The following TPSG1 variants were observed in gnomAD, a reference collection of about 807,000 sequenced individuals.
TPSG1 encodes tryptase gamma 1.
In TPSG1, 43 loss-of-function variants were observed where a neutral mutation model predicts 23.8. The ratio of observed to expected loss-of-function variants is 1.81; its 90% CI spans 1.42 to 2.33. The LOEUF is 2.33. Among genes scored for constraint, TPSG1 ranks in the 30% most tolerant of loss-of-function variants. TPSG1 has a pLI of 0.00. For missense variants in TPSG1, 623 were observed against 438.6 expected, an observed-to-expected ratio of 1.42 and a Z score of -3.75; for synonymous variants, 302 against 201.3, an observed-to-expected ratio of 1.50 and a Z score of -4.23.
intron 2 of TPSG1, 82 bp from the exon 3 acceptor site, chr16:1,223,676 A>G: frequency 2.1e-6 from 3 of 1,448,242 alleles, no homozygotes; most frequent in Middle Eastern, 1.8e-4. Context: ...CCCTGACCAC[A>G]CCTCCCTGCC....
At position 1,222,113 on chromosome 16, in the gene TPSG1, C is replaced by T. The variant is rs755507987; in HGVS notation, c.658-17G>A. 1.2e-5 allele frequency: 19 copies of T among 1,612,536 alleles called. No individual in the cohort carries two copies. The highest frequency in any genetic ancestry group is 1.7e-4 in the Middle Eastern group (1 of 6,060). ...GGAGTCGTCCTGAGGACAGAGAAGG[C>T]GAGCATTGGGAGCCGAGAAGATGGG... On this transcript the variant is annotated splice_polypyrimidine_tract_variant and intron_variant, in intron 5 of 5. Transcript: ENST00000234798.
At chr16:1,224,765 G>A (rs1336597861) in intron 1 of TPSG1, 137 bp from the exon 2 acceptor site, 3 of 1,077,160 alleles carry the variant, frequency 2.8e-6, no homozygotes, top group Non-Finnish European at 4.1e-6. Context: ...GGCCTGGTGA[G>A]GCTGGGTCAA....
chr16:1,223,403 C>T lies in TPSG1; in HGVS notation c.245+20G>A, dbSNP rs779756621. On this transcript the variant is annotated intron_variant, in intron 3 of 5. Coordinates refer to ENST00000234798, the MANE Select transcript of TPSG1 (RefSeq NM_012467.4). ...TGGGGCCTGGACATTGAGACTGCCC[C>T]TGCCCACCCGGACACTCACCCGGAG... 2.4e-5 allele frequency: 37 copies of T among 1,563,982 alleles called. No individual in the cohort carries two copies. The highest frequency in any genetic ancestry group is 5.7e-5 in the Admixed American group (3 of 52,888).
intron 4 of TPSG1, 74 bp from the exon 5 acceptor site, chr16:1,222,415 C>T: frequency 5.1e-6 from 7 of 1,372,910 alleles, no homozygotes; most frequent in Non-Finnish European, 7.0e-6. Context: ...GAGACCTTGC[C>T]AGACACAAGT....
At chr16:1,223,151 G>A (rs574800076) in intron 3 of TPSG1, among the ~76,000 whole-genome samples, 1 of 152,226 alleles carries the variant, frequency 6.6e-6, no homozygotes, top group Non-Finnish European at 1.5e-5. Context: ...CACCAGCAGG[G>A]GCTGGTCAGG....
intron 2 of TPSG1, chr16:1,223,956 T>C: frequency 3.4e-6 from 1 of 294,708 alleles, no homozygotes; most frequent in Non-Finnish European, 6.2e-6. Flanking sequence ...GGGCCCCGGT[T>C]TTCCTTCAGG....
intron 1 of TPSG1, 81 bp from the exon 2 acceptor site, chr16:1,224,709 C>G: frequency 6.3e-7 from 1 of 1,589,698 alleles, no homozygotes; most frequent in South Asian, 1.1e-5. Context: ...CCTGCCAGGC[C>G]TCAGGGCGGC....
intron 2 of TPSG1, among the ~76,000 whole-genome samples, chr16:1,224,376 G>A (rs1272333484): frequency 6.6e-6 from 1 of 152,112 alleles, no homozygotes; most frequent in Non-Finnish European, 1.5e-5. Flanking sequence ...TGGCCTCAGA[G>A]CATCTCCCAA....
chr16:1,222,533 G>A, intron 4 of TPSG1, 119 bp downstream of exon 4: 2 of 1,405,966 alleles, frequency 1.4e-6, no homozygotes, highest in Non-Finnish European at 1.9e-6. Flanking sequence ...GATAGGGGCG[G>A]CCTTGGCTGG....
At chr16:1,224,344 C>T (rs138563631) in intron 2 of TPSG1, among the ~76,000 whole-genome samples, 3 of 152,194 alleles carry the variant, frequency 2.0e-5, no homozygotes, top group South Asian at 2.1e-4. Flanking sequence ...GGAGAAAGTT[C>T]GAGGAGGGCC....
In TPSG1 at chr16:1,222,874, C is replaced by T; in HGVS notation, c.289G>A (p.Glu97Lys). ...GAGAAGTGGGGAGACAGAGTGATCT[C>T]CAGTTCCCCCAGGTGCACCTGGTAG... ...SDYQVHLGEL[E>K]ITLSPHFSTV... is the part of the protein sequence containing the mutation. The change falls in exon 4 of 6, where the codon GAG (glutamate) becomes AAG (lysine). Residue 97 changes from glutamate to lysine, a missense_variant. Physicochemically the swap from Glu to Lys is moderately conservative, Grantham distance 56. Transcript: ENST00000234798. 6.2e-7 allele frequency: 1 copy of T among 1,609,118 alleles called. No individual in the cohort carries two copies. Among genetic ancestry groups the T allele is most frequent in the Non-Finnish European group, 8.5e-7 (1 of 1,178,552 alleles).
chr16:1,222,974 T>A, intron 3 of TPSG1, 57 bp from the exon 4 acceptor site: 2 of 1,529,262 alleles, frequency 1.3e-6, no homozygotes, highest in Non-Finnish European at 1.8e-6. Flanking sequence ...GAGGTCAGTG[T>A]CGGCCCCGCC....
Position 1,223,101 on chromosome 16 carries a change from G to T in TPSG1, c.246-184C>A, listed in dbSNP as rs534673355. Among the ~76,000 whole-genome samples the T allele has an allele frequency of 2.2e-3, 329 of 152,330 alleles. 4 individuals carry two copies. The highest frequency in any genetic ancestry group is 7.7e-3 in the African/African-American group (320 of 41,576). Reference sequence around the variant, plus strand: ...CCCAAGGACCACGGCAGCACCTTGGGGTTCCTGCCAGCCCCTGGAAAAGCC... The same window carrying T: ...CCCAAGGACCACGGCAGCACCTTGGTGTTCCTGCCAGCCCCTGGAAAAGCC... On this transcript the variant is annotated intron_variant, in intron 3 of 5. Transcript: ENST00000234798.
Position 1,222,288 on chromosome 16 carries a change from T to C in TPSG1, c.565A>G (p.Thr189Ala). The C allele has an allele frequency of 1.2e-6, 2 of 1,611,134 alleles. No individual in the cohort carries two copies. Among genetic ancestry groups the C allele is most frequent in the Non-Finnish European group, 8.5e-7 (1 of 1,179,368 alleles). The part of the protein sequence containing the change: ...LREVKVSVVD[T>A]ETCRRDYPGP... ...GGATAGTCCCGGCGGCAGGTCTCTG[T>C]GTCCACCACGGAGACTTTCACCTCC... Residue 189 changes from threonine (T) to alanine (A), a missense_variant, in exon 5 of 6, where the codon ACA becomes GCA. Physicochemically the swap from Thr to Ala is moderately conservative, Grantham distance 58 (BLOSUM62 0). Transcript: ENST00000234798.
intron 5 of TPSG1, 49 bp downstream of exon 5, chr16:1,222,147 C>G (rs753188049): frequency 2.5e-6 from 4 of 1,611,656 alleles, no homozygotes; most frequent in Admixed American, 3.3e-5. Flanking sequence ...GGGAGCCCCT[C>G]CCTGGGCTTC....
rs1000784460 is a variant in TPSG1, at chr16:1,221,944, T to C, written c.810A>G (p.Thr270=). The part of the protein sequence containing the change: ...AYVNWIRRHI[T]ASGGSESGYP... ...ACCCAGACTCTGAGCCCCCTGATGCTGTGATGTGGCGGCGGATCCAGTTCA... is the reference window on the plus strand; with the variant it reads ...ACCCAGACTCTGAGCCCCCTGATGCCGTGATGTGGCGGCGGATCCAGTTCA... The change falls in exon 6 of 6, where the codon ACA becomes ACG. Residue 270 remains threonine, a synonymous_variant. Transcript: ENST00000234798. 6.2e-7 allele frequency: 1 copy of C among 1,612,038 alleles called. No homozygotes were observed. Among genetic ancestry groups the C allele is most frequent in the East Asian group, 2.2e-5 (1 of 44,842 alleles).
chr16:1,223,751 C>T, intron 2 of TPSG1, 157 bp from the exon 3 acceptor site: 2 of 888,766 alleles, frequency 2.3e-6, no homozygotes, highest in Non-Finnish European at 3.3e-6. Context: ...ATCGTGGGTG[C>T]AGCAGAAATG....
Position 1,222,104 on chromosome 16 carries a change from C to G in TPSG1, c.658-8G>C. ...AGGCCCCCCGGAGTCGTCCTGAGGA[C>G]AGAGAAGGCGAGCATTGGGAGCCGA... On this transcript the variant is annotated splice_region_variant and splice_polypyrimidine_tract_variant and intron_variant, in intron 5 of 5. Coordinates refer to ENST00000234798, the MANE Select transcript of TPSG1 (RefSeq NM_012467.4). 1 of 1,612,672 alleles carries G rather than the reference C, an allele frequency of 6.2e-7. No homozygotes were observed. Among genetic ancestry groups the G allele is most frequent in the Non-Finnish European group, 8.5e-7 (1 of 1,179,972 alleles).
Position 1,221,772 on chromosome 16 carries a change from A to G in TPSG1, c.*16T>C, listed in dbSNP as rs756613873. ...AAATAGTAACTTATTTAAGAAATGCACTTGGATTCCTGCCATCAGTCAGGG... is the reference window on the plus strand; with the variant it reads ...AAATAGTAACTTATTTAAGAAATGCGCTTGGATTCCTGCCATCAGTCAGGG... On this transcript the variant is annotated 3_prime_UTR_variant, in exon 6 of 6. Coordinates refer to ENST00000234798, the MANE Select transcript of TPSG1 (RefSeq NM_012467.4). 1.1e-5 allele frequency: 17 copies of G among 1,586,384 alleles called. No individual in the cohort carries two copies. In the South Asian group the frequency reaches 1.5e-4, roughly 14 times the overall value.
Sources: allele counts gnomAD v4.1 joint callset (sites outside exome capture counted in the v4.1 genomes callset), GRCh38; gene constraint gnomAD v4.1.1; transcripts MANE v1.5; gene names NCBI Gene and HGNC (gene_info 2026-07-23, HGNC 2026-07-21).